SPTBN4: variants seen among roughly 807,000 people sequenced by gnomAD.
The protein encoded by SPTBN4 is spectrin beta chain, non-erythrocytic 4.
SPTBN4 carries 96 observed loss-of-function variants against 277.8 expected under a neutral mutation model. The ratio of observed to expected loss-of-function variants is 0.35; its 90% CI spans 0.29 to 0.41. The LOEUF (loss-of-function observed/expected upper bound fraction) is 0.41. Among genes scored for constraint, SPTBN4 ranks in the 10% least tolerant of loss-of-function variants. The probability of loss-of-function intolerance (pLI) is 1.00; values close to 1 mark genes in which losing one functional copy is unlikely to be tolerated. For missense variants in SPTBN4, 3,006 were observed against 3,595.7 expected (o/e 0.84, Z 4.19); for synonymous variants, 1,481 against 1,580.3 (o/e 0.94, Z 1.49).
rs1264292767 is a variant in SPTBN4 at position 40,532,687 on chromosome 19, C to T, written c.4011C>T (p.His1337=). 1 of 1,613,484 alleles carries T rather than the reference C, an allele frequency of 6.2e-7. No homozygotes were observed. The highest frequency in any genetic ancestry group is 2.2e-5 in the East Asian group (1 of 44,874). ...MARDGTREDN[H]KLHKRWLRHQ... is the part of the protein sequence containing the mutation. ...GGGATGGCACGCGGGAGGACAACCA[C>T]AAGCTGCATAAGAGATGGCTCCGGC... Residue 1337 remains histidine, a synonymous_variant, in exon 19 of 36, where the codon CAC becomes CAT. Transcript: ENST00000598249.
rs533971163 is a variant in SPTBN4, at chr19:40,538,435, C to T, written c.4359+4092C>T. ...AAGAAAGAAAGAACGGCAGCCAGAC[C>T]ATGGCACCATAGCAGGGAAGAGCTG... On this transcript the variant is annotated intron_variant, in intron 20 of 35. Transcript: ENST00000598249. Among the ~76,000 whole-genome samples, 20 of 151,940 alleles carry T rather than the reference C, an allele frequency of 1.3e-4. No individual in the cohort carries two copies. The South Asian group carries it at 2.7e-3, about 21-fold the overall frequency.
intron 17 of SPTBN4, among the ~76,000 whole-genome samples, chr19:40,526,686 A>G (rs1015882429): frequency 3.9e-5 from 6 of 152,016 alleles, no homozygotes; most frequent in Admixed American, 3.9e-4. Flanking sequence ...CTGGGCTCAA[A>G]CAATCCTCCT....
Position 40,513,323 on chromosome 19 carries a change from C to T in SPTBN4, c.2534C>T (p.Ala845Val). The change falls in exon 14 of 36, where the codon GCA becomes GTA. Residue 845 changes from alanine (A) to valine (V), a missense_variant. Ala to Val is a moderately conservative substitution (Grantham distance 64). This residue lies in a region of SPTBN4 where 1,759 missense variants were observed against 2,061.5 expected (regional missense o/e 0.85). Transcript: ENST00000598249. ...QLATLGGASG[A>V]GPLVVALQVR... ...GCGACACTCGGGGGTGCCAGTGGCG[C>T]AGGGCCACTGGTGGTGGCGCTGCAG... is the stretch of plus-strand genomic sequence containing the variant. The T allele has an allele frequency of 3.8e-6, 6 of 1,575,850 alleles. No individual in the cohort carries two copies. Among genetic ancestry groups the T allele is most frequent in the South Asian group, 1.2e-5 (1 of 86,682 alleles).
intron 27 of SPTBN4, among the ~76,000 whole-genome samples, chr19:40,562,726 T>C (rs1390758355): frequency 7.4e-6 from 1 of 135,072 alleles, no homozygotes. Context: ...CCCAGCTACT[T>C]GGGAGGCTGA....
In SPTBN4 at chr19:40,566,173, G is replaced by A; in HGVS notation, c.6150G>A (p.Val2050=). The change falls in exon 30 of 36, where the codon GTG becomes GTA. Residue 2050 remains valine (V), a synonymous_variant. Coordinates refer to ENST00000598249, the MANE Select transcript of SPTBN4 (RefSeq NM_020971.3). ...CATGCCCCTCCTCAGTGCTGGAGGTGCACCAGTTTGCCCAGGAGGCGGTGG... is the reference window on the plus strand; with the variant it reads ...CATGCCCCTCCTCAGTGCTGGAGGTACACCAGTTTGCCCAGGAGGCGGTGG... ...HWEWLQQMLE[V]HQFAQEAVVA... is the part of the protein sequence containing the mutation. 6.5e-7 allele frequency: 1 copy of A among 1,527,936 alleles called. No homozygotes were observed. The highest frequency in any genetic ancestry group is 8.8e-7 in the Non-Finnish European group (1 of 1,132,902). The allele number at this position is 1,527,936 out of a possible 1,614,324, so 94.6% of individuals were successfully genotyped here. A position where few individuals can be genotyped will look rare whatever the true frequency, so the allele number is the denominator to read the frequency against.
chr19:40,496,999 G>A (rs144700333), intron 6 of SPTBN4, among the ~76,000 whole-genome samples: 7 of 151,122 alleles, frequency 4.6e-5, no homozygotes, highest in African/African-American at 1.7e-4. Context: ...CTTGAACCTC[G>A]GAGGCGGAGG....
chr19:40,521,546 G>A (rs745829605), intron 16 of SPTBN4, among the ~76,000 whole-genome samples: 1 of 152,062 alleles, frequency 6.6e-6, no homozygotes, highest in African/African-American at 2.4e-5. Context: ...CCCCACATGC[G>A]CAGTTCACAA....
At chr19:40,537,046 G>C (rs2080746062) in intron 20 of SPTBN4, among the ~76,000 whole-genome samples, 1 of 151,816 alleles carries the variant, frequency 6.6e-6, no homozygotes, top group Non-Finnish European at 1.5e-5. Flanking sequence ...GTCTGGCTCT[G>C]CCACCTAGGC....
At chr19:40,476,809 G>T (rs1398638298) in intron 2 of SPTBN4, among the ~76,000 whole-genome samples, 1 of 151,920 alleles carries the variant, frequency 6.6e-6, no homozygotes, top group South Asian at 2.1e-4. Context: ...GGATGGTTTT[G>T]ATCTCCTGAC....
chr19:40,506,516 A>G (rs2080332685), intron 13 of SPTBN4, 130 bp downstream of exon 13: 1 of 1,340,776 alleles, frequency 7.5e-7, no homozygotes, highest in Non-Finnish European at 9.9e-7. Context: ...AGCAGAGCCT[A>G]AGATTACATT....
At chr19:40,531,207 G>A (rs1469570555) in intron 18 of SPTBN4, among the ~76,000 whole-genome samples, 1 of 152,092 alleles carries the variant, frequency 6.6e-6, no homozygotes, top group African/African-American at 2.4e-5. Flanking sequence ...ATCTCTTTAA[G>A]GGCTCTGCTT....
intron 30 of SPTBN4, among the ~76,000 whole-genome samples, chr19:40,566,832 G>T (rs2081096750): frequency 1.3e-5 from 2 of 151,974 alleles, no homozygotes. Context: ...GGGCGTGGTG[G>T]TGCACGCCTG....
chr19:40,543,325 C>G (rs1178790003), intron 20 of SPTBN4, among the ~76,000 whole-genome samples: 2 of 152,132 alleles, frequency 1.3e-5, no homozygotes, highest in Non-Finnish European at 2.9e-5. Flanking sequence ...ATTGGCCCAT[C>G]TAAGGTTACG....
At chr19:40,507,867 G>A (rs990497814) in intron 13 of SPTBN4, among the ~76,000 whole-genome samples, 5 of 152,082 alleles carry the variant, frequency 3.3e-5, no homozygotes, top group Admixed American at 1.3e-4. Flanking sequence ...CATCTCTCTC[G>A]TCTCTCTCCA....
rs1245697240 is a variant in SPTBN4, at chr19:40,554,048, A to G, written c.4675-99A>G. ...GTTAGCGAGCTGGGGGTGCTTGTTA[A>G]TTGCCCCGTGGGCCGTGCCAGTAGC... On this transcript the variant is annotated intron_variant, in intron 22 of 35. Coordinates refer to ENST00000598249, the MANE Select transcript of SPTBN4 (RefSeq NM_020971.3). This position sits in a 1 kb window ranked among gnomAD's most constrained non-coding sequence, Gnocchi z 5.7. 1 of 1,222,728 alleles carries G rather than the reference A, an allele frequency of 8.2e-7. No homozygotes were observed. The highest frequency in any genetic ancestry group is 1.6e-5 in the African/African-American group (1 of 61,526). 75.7% of individuals were successfully genotyped at this position (1,222,728 alleles called of 1,614,324 possible).
chr19:40,571,489 A>G (rs1170244866), intron 33 of SPTBN4: 1 of 152,514 alleles, frequency 6.6e-6, no homozygotes, highest in African/African-American at 2.4e-5. Context: ...GTCCCAAGAT[A>G]TGAAGTGGGC....
chr19:40,575,349 T>C lies in SPTBN4; in HGVS notation c.7537-62T>C, dbSNP rs998788393. ...CAGAGAGGGTAGTCTGATCTGAAAT[T>C]CACCTATTATTCCAGCTTCTCTCTT... On this transcript the variant is annotated intron_variant, in intron 35 of 35. Transcript: ENST00000598249. The C allele has an allele frequency of 7.8e-6, 12 of 1,548,308 alleles. No individual in the cohort carries two copies. The African/African-American group carries it at 1.5e-4, about 19-fold the overall frequency.
Position 40,569,670 on chromosome 19 carries a change from GC to G in SPTBN4, c.6971del (p.Ala2324ValfsTer120). ...CCCATCCCCCAGGAAGGCCACCCTGGCTGACATTGTGGAACAGCTGCAGGAG... is the reference window on the plus strand; with the variant it reads ...CCCATCCCCCAGGAAGGCCACCCTGGTGACATTGTGGAACAGCTGCAGGAG... ...GDLVKGKATL[A>X]DIVEQLQEKE... On this transcript the variant is annotated frameshift_variant, in exon 32 of 36. Transcript: ENST00000598249. LOFTEE classifies it high-confidence loss of function. 2.5e-6 allele frequency: 4 copies of G among 1,612,756 alleles called. No individual in the cohort carries two copies. The highest frequency in any genetic ancestry group is 3.4e-6 in the Non-Finnish European group (4 of 1,179,490).
chr19:40,567,859 A>G lies in SPTBN4; in HGVS notation c.6533A>G (p.Tyr2178Cys). 6.6e-7 allele frequency: 1 copy of G among 1,526,002 alleles called. No individual in the cohort carries two copies. Among genetic ancestry groups the G allele is most frequent in the Non-Finnish European group, 8.8e-7 (1 of 1,138,146 alleles). The allele number at this position is 1,526,002 out of a possible 1,614,324, so 94.5% of individuals were successfully genotyped here. A position where few individuals can be genotyped will look rare whatever the true frequency, so the allele number is the denominator to read the frequency against. ...GCCGAGGTGCGGACTCGGGTGGGGT[A>G]TGTGCGCCAGGAGCTCAAGCCCGAG... ...LSAEVRTRVGYVRQELKPERL... is the reference protein window; with the variant it reads ...LSAEVRTRVGCVRQELKPERL... The change falls in exon 31 of 36, where the codon TAT (tyrosine) becomes TGT (cysteine). Residue 2178 changes from tyrosine to cysteine, a missense_variant. By Grantham distance (194) the Tyr-to-Cys change is radical. Around this residue, in one of 5 missense-constraint regions of SPTBN4, gnomAD observed 630 missense variants for 677.6 expected, o/e 0.93. Transcript: ENST00000598249.
Sources: allele counts gnomAD v4.1 joint callset (sites outside exome capture counted in the v4.1 genomes callset), GRCh38; gene constraint gnomAD v4.1.1; regional missense constraint gnomAD v4.1.1; non-coding constraint Gnocchi (gnomAD v3.1); transcripts MANE v1.5; gene names NCBI Gene and HGNC (gene_info 2026-07-23, HGNC 2026-07-21).